AK8: variants seen among roughly 807,000 people sequenced by gnomAD.
AK8 encodes ATP-AMP transphosphorylase 8.
A neutral mutation model predicts 54.6 loss-of-function variants in AK8; 44 were observed. The observed-to-expected ratio is 0.81, with a 90% CI of 0.63 to 1.04. The LOEUF is 1.04. Ranked by LOEUF, AK8 falls within the 50% of genes least tolerant of loss-of-function variation. The pLI is 0.00. For synonymous variants in AK8, 239 were observed against 245.6 expected (o/e 0.97, Z 0.25); for missense variants, 555 against 613.6 (o/e 0.90, Z 1.01).
rs369958247 is a variant in AK8, at chr9:132,744,951, C to T, written c.1122-17417G>A. Among the ~76,000 whole-genome samples the T allele has an allele frequency of 3.3e-5, 5 of 152,332 alleles. No homozygotes were observed. The South Asian group carries it at 6.2e-4, about 19-fold the overall frequency. On this transcript the variant is annotated intron_variant, in intron 11 of 12. Transcript: ENST00000298545. ...TTGACAAGCCTCCATATGAATCCGC[C>T]AGTCACTTCCCGCAGTCTGCGGAGT...
At chr9:132,849,103 T>C (rs1842872741) in intron 5 of AK8, among the ~76,000 whole-genome samples, 1 of 151,850 alleles carries the variant, frequency 6.6e-6, no homozygotes, top group African/African-American at 2.4e-5. Flanking sequence ...AGAGACGAGG[T>C]TTCACCATGT....
chr9:132,745,656 C>T lies in AK8; in HGVS notation c.1122-18122G>A, dbSNP rs559292236. On this transcript the variant is annotated intron_variant, in intron 11 of 12. Coordinates refer to ENST00000298545, the MANE Select transcript of AK8 (RefSeq NM_152572.3). ...CACTGGGGCCCTGATCCCTTTCTTT[C>T]CGGGTAGTGGAGGGGAGGTCCACAG... 2.6e-5 allele frequency among the ~76,000 whole-genome samples: 4 copies of T among 152,278 alleles called. No homozygotes were observed. In the East Asian group the frequency reaches 7.7e-4, roughly 29 times the overall value.
intron 10 of AK8, among the ~76,000 whole-genome samples, chr9:132,805,326 T>C (rs1005762271): frequency 2.6e-5 from 4 of 152,210 alleles, no homozygotes; most frequent in Non-Finnish European, 4.4e-5. Context: ...ACAGCAACAC[T>C]TGACATTCAG....
chr9:132,768,808 T>C (rs991128404), intron 11 of AK8, among the ~76,000 whole-genome samples: 8 of 152,198 alleles, frequency 5.3e-5, no homozygotes, highest in South Asian at 4.1e-4. Context: ...GTGAGCTGTA[T>C]CTTTATGCAG....
intron 4 of AK8, among the ~76,000 whole-genome samples, chr9:132,859,965 C>T (rs141824875): frequency 2.0e-5 from 3 of 152,000 alleles, no homozygotes; most frequent in Non-Finnish European, 2.9e-5. Context: ...CGGTGTTCGG[C>T]GAGAGGACTG....
chr9:132,873,778 T>G (rs555024091), intron 2 of AK8, among the ~76,000 whole-genome samples: 38 of 151,828 alleles, frequency 2.5e-4, no homozygotes, highest in African/African-American at 8.2e-4. Context: ...GCAAATGGAG[T>G]CAGTGAGGCC....
Position 132,800,465 on chromosome 9 carries a change from G to C in AK8, c.980-7690C>G, listed in dbSNP as rs73549104. On this transcript the variant is annotated intron_variant, in intron 10 of 12. Transcript: ENST00000298545. Reference sequence around the variant, plus strand: ...GCCGCACCCTGCAATTCCTAAGGGAGGGTAAGGCCACTGGATCTAGCTTGC... The same window carrying C: ...GCCGCACCCTGCAATTCCTAAGGGACGGTAAGGCCACTGGATCTAGCTTGC... 1.4e-3 allele frequency among the ~76,000 whole-genome samples: 216 copies of C among 152,320 alleles called. 1 individual carries two copies. Among genetic ancestry groups the C allele is most frequent in the African/African-American group, 5.0e-3 (208 of 41,574 alleles).
chr9:132,732,292 CT>C (rs1196974883), intron 11 of AK8, among the ~76,000 whole-genome samples: 1 of 151,970 alleles, frequency 6.6e-6, no homozygotes, highest in Non-Finnish European at 1.5e-5. Flanking sequence ...GATTTCTGAC[CT>C]TTCAGGGTTT....
intron 5 of AK8, among the ~76,000 whole-genome samples, chr9:132,854,301 G>A (rs1843090924): frequency 6.6e-6 from 1 of 152,206 alleles, no homozygotes. Flanking sequence ...ACATGAATCG[G>A]TGTGCAAAGC....
intron 11 of AK8, among the ~76,000 whole-genome samples, chr9:132,740,224 C>A (rs1184203265): frequency 6.6e-6 from 1 of 152,216 alleles, no homozygotes; most frequent in Admixed American, 6.5e-5. Context: ...TTATCAGGCA[C>A]TGTGTTTAAA....
chr9:132,830,954 G>A (rs1842078748), intron 5 of AK8, among the ~76,000 whole-genome samples: 1 of 152,152 alleles, frequency 6.6e-6, no homozygotes, highest in Non-Finnish European at 1.5e-5. Flanking sequence ...GCATTCCAGT[G>A]TGCGAATGAT....
At chr9:132,744,964 C>T (rs1837568738) in intron 11 of AK8, among the ~76,000 whole-genome samples, 1 of 152,182 alleles carries the variant, frequency 6.6e-6, no homozygotes, top group African/African-American at 2.4e-5. Context: ...TCACTTCCCG[C>T]AGTCTGCGGA....
chr9:132,802,447 C>T (rs771335130), intron 10 of AK8, among the ~76,000 whole-genome samples: 26 of 152,276 alleles, frequency 1.7e-4, no homozygotes, highest in Non-Finnish European at 3.4e-4. Context: ...GGATGCCTGG[C>T]CGCTGGCCCC....
chr9:132,747,991 T>C (rs1837735193), intron 11 of AK8, among the ~76,000 whole-genome samples: 1 of 150,978 alleles, frequency 6.6e-6, no homozygotes, highest in Admixed American at 6.6e-5. Flanking sequence ...CTCAGCTACT[T>C]GGGAGGCTGA....
At position 132,850,478 on chromosome 9, in the gene AK8, C is replaced by A. The variant is rs189853148; in HGVS notation, c.402+4379G>T. 1.8e-4 allele frequency among the ~76,000 whole-genome samples: 26 copies of A among 148,426 alleles called. No homozygotes were observed. In the East Asian group the frequency reaches 5.2e-3, roughly 30 times the overall value. On this transcript the variant is annotated intron_variant, in intron 5 of 12. Coordinates refer to ENST00000298545, the MANE Select transcript of AK8 (RefSeq NM_152572.3). Reference sequence around the variant, plus strand: ...GTGGCGTGATGTTGGCTCACTGCAACCTCTGCCTACTGGGTTCAAGTGATT... The same window carrying A: ...GTGGCGTGATGTTGGCTCACTGCAAACTCTGCCTACTGGGTTCAAGTGATT...
intron 5 of AK8, among the ~76,000 whole-genome samples, chr9:132,844,448 T>G (rs1328484703): frequency 6.6e-6 from 1 of 152,206 alleles, no homozygotes; most frequent in Non-Finnish European, 1.5e-5. Flanking sequence ...AGTCCCTGTG[T>G]AGCTAAATAA....
intron 11 of AK8, among the ~76,000 whole-genome samples, chr9:132,728,859 C>T (rs1460629499): frequency 1.3e-5 from 2 of 152,040 alleles, no homozygotes; most frequent in Non-Finnish European, 2.9e-5. Context: ...GGTTTCATCC[C>T]CACCCCCCTT....
At chr9:132,756,527 TAAC>T (rs1052897427) in intron 11 of AK8, among the ~76,000 whole-genome samples, 3 of 152,226 alleles carry the variant, frequency 2.0e-5, no homozygotes, top group Non-Finnish European at 4.4e-5. Context: ...TCTGCACTGA[TAAC>T]AAATCTATGT....
chr9:132,832,392 G>A (rs1233839436), intron 5 of AK8, among the ~76,000 whole-genome samples: 2 of 152,166 alleles, frequency 1.3e-5, no homozygotes, highest in African/African-American at 2.4e-5. Flanking sequence ...ATCTACAGAC[G>A]TGAGCAACAC....
Sources: gnomAD v4.1 joint callset for allele counts (sites outside exome capture counted in the v4.1 genomes callset) on GRCh38, gnomAD v4.1.1 for gene constraint, MANE v1.5 for transcripts, NCBI Gene and HGNC (gene_info 2026-07-23, HGNC 2026-07-21) for gene names.